The following DST variants were observed in gnomAD, a reference collection of about 807,000 sequenced individuals.
DST encodes the protein bullous pemphigoid antigen.
DST carries 253 observed loss-of-function variants against 875.2 expected under a neutral mutation model. The ratio of observed to expected loss-of-function variants is 0.29; its 90% CI spans 0.26 to 0.32. The LOEUF is 0.32. Ranked by LOEUF, DST falls within the 10% of genes least tolerant of loss-of-function variation. The probability of loss-of-function intolerance (pLI) is 1.00; values close to 1 mark genes in which losing one functional copy is unlikely to be tolerated. For missense variants in DST, 8,287 were observed against 9,111.6 expected (o/e 0.91, Z 3.68); for synonymous variants, 3,124 against 3,197.1 (o/e 0.98, Z 0.77).
chr6:56,806,987 G>A (rs1440509242), intron 4 of DST, among the ~76,000 whole-genome samples: 2 of 152,104 alleles, frequency 1.3e-5, no homozygotes, highest in African/African-American at 4.8e-5. Context: ...GAAATTAAAG[G>A]AGATCTAAAT....
At chr6:56,866,261 G>A (rs917362235) in intron 3 of DST, among the ~76,000 whole-genome samples, 1 of 152,200 alleles carries the variant, frequency 6.6e-6, no homozygotes, top group South Asian at 2.1e-4. Context: ...GCCTCCCAAA[G>A]TGCTGGGATT....
intron 2 of DST, among the ~76,000 whole-genome samples, chr6:56,937,622 C>G (rs185655104): frequency 2.6e-5 from 4 of 152,090 alleles, no homozygotes; most frequent in Admixed American, 2.6e-4. Context: ...ATTAAACTTA[C>G]CATACAACCT....
chr6:56,691,203 G>A (rs1727081018), intron 9 of DST, among the ~76,000 whole-genome samples: 1 of 152,166 alleles, frequency 6.6e-6, no homozygotes, highest in African/African-American at 2.4e-5. Flanking sequence ...TAAACCAAGT[G>A]CTTATATTCA....
chr6:56,504,133 A>G (rs1235941493), intron 77 of DST, 35 bp from the exon 78 acceptor site: 6 of 1,424,516 alleles, frequency 4.2e-6, no homozygotes, highest in Non-Finnish European at 5.9e-6. Context: ...TTGTTACAAC[A>G]GTACATTTGA....
At chr6:56,582,777 G>C (rs966618492) in intron 49 of DST, among the ~76,000 whole-genome samples, 1 of 151,816 alleles carries the variant, frequency 6.6e-6, no homozygotes, top group Non-Finnish European at 1.5e-5. Flanking sequence ...CCCAGAGTGT[G>C]ATGATCCCCG....
chr6:56,587,242 G>A (rs1404873145), intron 49 of DST, among the ~76,000 whole-genome samples: 5 of 152,172 alleles, frequency 3.3e-5, no homozygotes, highest in African/African-American at 9.7e-5. Context: ...GAAAGCCAAG[G>A]CTCGAGAACT....
chr6:56,485,482 A>T lies in DST; in HGVS notation c.21048-11T>A, dbSNP rs1310526560. The T allele has an allele frequency of 6.2e-7, 1 of 1,609,794 alleles. No homozygotes were observed. Among genetic ancestry groups the T allele is most frequent in the South Asian group, 1.1e-5 (1 of 90,250 alleles). On this transcript the variant is annotated splice_polypyrimidine_tract_variant and intron_variant, in intron 87 of 103. Transcript: ENST00000680361. ...TCCAATTTGTTTTGTCTAGGGAAAA[A>T]GGTAGAAAAATTGATCCTTGCAACA...
intron 62 of DST, among the ~76,000 whole-genome samples, chr6:56,535,512 C>T (rs1242862722): frequency 6.6e-6 from 1 of 152,168 alleles, no homozygotes; most frequent in Non-Finnish European, 1.5e-5. Flanking sequence ...CCATCACAGT[C>T]AACATAGAGC....
At chr6:56,709,439 T>C (rs1421877215) in intron 5 of DST, among the ~76,000 whole-genome samples, 3 of 152,238 alleles carry the variant, frequency 2.0e-5, no homozygotes, top group Admixed American at 6.5e-5. Context: ...TTTGGTTTTA[T>C]ATAGGCTAAA....
At position 56,511,299 on chromosome 6, in the gene DST, G is replaced by A. The variant is rs757661237; in HGVS notation, c.18678C>T (p.Ile6226=). The change falls in exon 73 of 104, where the codon ATC becomes ATT. Residue 6226 remains isoleucine (I), a synonymous_variant. Transcript: ENST00000680361. ...TGTCGGCTGCCACATACTTCTCTTG[G>A]ATAGAAAAGCCTTCCCCAGGGCTCA... ...LELSPGEGFS[I]QEKYVAADTL... 1.2e-6 allele frequency: 2 copies of A among 1,605,478 alleles called. No individual in the cohort carries two copies. The highest frequency in any genetic ancestry group is 1.7e-6 in the Non-Finnish European group (2 of 1,175,630).
intron 89 of DST, 117 bp downstream of exon 89, chr6:56,482,566 T>A: frequency 9.9e-7 from 1 of 1,012,406 alleles, no homozygotes; most frequent in Non-Finnish European, 1.4e-6. Flanking sequence ...TAGAATTTCC[T>A]TCTTCAGACT....
At chr6:56,492,594 G>A (rs546485517) in intron 84 of DST, among the ~76,000 whole-genome samples, 161 bp from the exon 85 acceptor site, 10 of 152,264 alleles carry the variant, frequency 6.6e-5, no homozygotes, top group South Asian at 4.1e-4. Context: ...GCTGTCAGCC[G>A]GGTGCAGTGG....
chr6:56,658,337 T>C (rs2099021069), intron 10 of DST, among the ~76,000 whole-genome samples: 1 of 152,232 alleles, frequency 6.6e-6, no homozygotes, highest in South Asian at 2.1e-4. Flanking sequence ...TCTCTGACTT[T>C]GGACACACAT....
chr6:56,946,820 G>A (rs976389572), intron 2 of DST, among the ~76,000 whole-genome samples: 1 of 152,124 alleles, frequency 6.6e-6, no homozygotes, highest in Non-Finnish European at 1.5e-5. Flanking sequence ...AATTATTATA[G>A]GAGAGAAATT....
At chr6:56,475,236 G>C (rs1461269827) in intron 92 of DST, among the ~76,000 whole-genome samples, 2 of 152,126 alleles carry the variant, frequency 1.3e-5, no homozygotes, top group African/African-American at 4.8e-5. Context: ...ACTGTGAAAA[G>C]TGATGGGGAA....
chr6:56,597,082 A>G (rs1293773508), intron 47 of DST, among the ~76,000 whole-genome samples: 2 of 152,112 alleles, frequency 1.3e-5, no homozygotes. Context: ...ACTACAAAAA[A>G]TACAAAAATT....
At chr6:56,893,574 TTTTTTTTTTTTTTATTTTTTTTTA>T in intron 3 of DST, among the ~76,000 whole-genome samples, 1 of 114,118 alleles carries the variant, frequency 8.8e-6, no homozygotes, top group Non-Finnish European at 1.7e-5. Flanking sequence ...TTTTTTTTTT[TTTTTTTTTTTTTTATTTTTTTTTA>T]TTTTTTATTT....
intron 13 of DST, among the ~76,000 whole-genome samples, chr6:56,646,686 C>T (rs1300808955): frequency 1.3e-5 from 2 of 151,310 alleles, no homozygotes; most frequent in Non-Finnish European, 2.9e-5. Flanking sequence ...CAAATTTAAA[C>T]AGATTTTTTG....
intron 36 of DST, chr6:56,618,291 T>A: frequency 3.7e-6 from 6 of 1,614,100 alleles, no homozygotes; most frequent in Non-Finnish European, 5.1e-6. Flanking sequence ...GGTTCTTGAG[T>A]CCATCTCAAC....
Sources: gnomAD v4.1 joint callset for allele counts (sites outside exome capture counted in the v4.1 genomes callset) on GRCh38, gnomAD v4.1.1 for gene constraint, MANE v1.5 for transcripts, NCBI Gene and HGNC (gene_info 2026-07-23, HGNC 2026-07-21) for gene names.